GORAB: variants seen among roughly 807,000 people sequenced by gnomAD.
GORAB encodes RAB6-interacting golgin.
Under a neutral mutation model 29.9 loss-of-function variants are expected in GORAB, and 17 were observed. That is an observed-to-expected ratio of 0.57 (90% confidence interval 0.39 to 0.85). The LOEUF (loss-of-function observed/expected upper bound fraction) is 0.85. Among genes scored for constraint, GORAB ranks in the 40% least tolerant of loss-of-function variants. The probability of loss-of-function intolerance (pLI) is 0.00; values close to 1 mark genes in which losing one functional copy is unlikely to be tolerated. For synonymous variants in GORAB, 183 were observed against 157.2 expected, an observed-to-expected ratio of 1.16 and a Z score of -1.23; for missense variants, 442 against 437.8, an observed-to-expected ratio of 1.01 and a Z score of -0.09.
rs776227441 is a variant in GORAB at position 170,552,310 on chromosome 1, T to C, written c.958T>C (p.Leu320=). The change falls in exon 5 of 5, where the codon TTA becomes CTA. Residue 320 remains leucine (L), a synonymous_variant. Transcript: ENST00000367763. ...TCAGCCTGCGGAGGAGAGTGTGACA[T>C]TAGAATTTGCTAAAGAGAACAGAAA... is the stretch of plus-strand genomic sequence containing the variant. ...PFQPAEESVT[L]EFAKENRKCQ... 1.2e-6 allele frequency: 2 copies of C among 1,613,998 alleles called. No individual in the cohort carries two copies. The highest frequency in any genetic ancestry group is 1.7e-6 in the Non-Finnish European group (2 of 1,179,924).
chr1:170,541,203 C>CAAA (rs67384213), intron 2 of GORAB, among the ~76,000 whole-genome samples: 1,188 of 45,948 alleles, frequency 0.026, 79 homozygotes, highest in African/African-American at 0.087. Flanking sequence ...GATTCTGTCC[C>CAAA]AAAAAAAAAA....
intron 4 of GORAB, among the ~76,000 whole-genome samples, chr1:170,546,039 C>CT (rs1475984465): frequency 6.6e-6 from 1 of 152,046 alleles, no homozygotes; most frequent in Non-Finnish European, 1.5e-5. Context: ...ATTTTTATGC[C>CT]TTTGTAGCCT....
rs1011976543 is a variant in GORAB at position 170,532,362 on chromosome 1, G to C, written c.61+78G>C. On this transcript the variant is annotated intron_variant, in intron 1 of 4. Coordinates refer to ENST00000367763, the MANE Select transcript of GORAB (RefSeq NM_152281.3). ...CGGGGATGCAGCTTTGGCGGGGAAA[G>C]GGGGCGTGGAAGCGGCTACGTTTGT... The C allele has an allele frequency of 4.7e-6, 7 of 1,496,542 alleles. No individual in the cohort carries two copies. In the African/African-American group the frequency reaches 9.6e-5, roughly 21 times the overall value. 92.7% of individuals were successfully genotyped at this position (1,496,542 alleles called of 1,614,324 possible).
At chr1:170,534,532 A>G (rs1405992881) in intron 1 of GORAB, among the ~76,000 whole-genome samples, 1 of 152,122 alleles carries the variant, frequency 6.6e-6, no homozygotes, top group East Asian at 1.9e-4. Flanking sequence ...ACAGTCACGC[A>G]CTCAATAACA....
intron 4 of GORAB, chr1:170,545,706 C>G: frequency 1.0e-6 from 1 of 984,928 alleles, no homozygotes; most frequent in Non-Finnish European, 1.2e-6. Flanking sequence ...GGGTAAACCA[C>G]AACATCAGAA....
chr1:170,548,262 TTC>T (rs1339136666), intron 4 of GORAB, among the ~76,000 whole-genome samples: 2 of 152,258 alleles, frequency 1.3e-5, no homozygotes, highest in East Asian at 3.8e-4. Flanking sequence ...TTGCTTTTTC[TTC>T]TCTCTCTAAA....
rs898445340 is a variant in GORAB at position 170,552,390 on chromosome 1, T to C, written c.1038T>C (p.Ser346=). The C allele has an allele frequency of 8.7e-6, 14 of 1,613,962 alleles. No individual in the cohort carries two copies. Among genetic ancestry groups the C allele is most frequent in the Non-Finnish European group, 1.2e-5 (14 of 1,179,962 alleles). ...TAGATGACCAGTGTGGAAATTCCAG[T>C]AGCATCCCCTTTCTTAGTCCAAACT... ...PKVDDQCGNS[S]SIPFLSPNCP... is the part of the protein sequence containing the mutation. The change falls in exon 5 of 5, where the codon AGT becomes AGC. Residue 346 remains serine (S), a synonymous_variant. Coordinates refer to ENST00000367763, the MANE Select transcript of GORAB (RefSeq NM_152281.3).
At chr1:170,533,990 A>T (rs1252799394) in intron 1 of GORAB, among the ~76,000 whole-genome samples, 1 of 152,172 alleles carries the variant, frequency 6.6e-6, no homozygotes, top group African/African-American at 2.4e-5. Flanking sequence ...ATCTTTAAAA[A>T]TTTATTGAAT....
At chr1:170,537,701 T>TA (rs1239132989) in intron 1 of GORAB, among the ~76,000 whole-genome samples, 3 of 152,192 alleles carry the variant, frequency 2.0e-5, no homozygotes, top group South Asian at 2.1e-4. Context: ...ACACTAGACT[T>TA]ACGCTTCTCA....
chr1:170,551,337 T>C (rs140666695), intron 4 of GORAB, among the ~76,000 whole-genome samples: 166 of 152,326 alleles, frequency 1.1e-3, no homozygotes, highest in African/African-American at 3.9e-3. Context: ...TGCATATAGC[T>C]ATCCTGAGGT....
chr1:170,538,483 G>A (rs1314637873), intron 1 of GORAB, among the ~76,000 whole-genome samples: 2 of 152,134 alleles, frequency 1.3e-5, no homozygotes, highest in Non-Finnish European at 2.9e-5. Context: ...AGTCCAAAAA[G>A]TATAATAGAA....
intron 1 of GORAB, among the ~76,000 whole-genome samples, chr1:170,538,090 A>G (rs1394030802): frequency 2.0e-5 from 3 of 152,190 alleles, no homozygotes; most frequent in Non-Finnish European, 4.4e-5. Context: ...TTTTCTGTAC[A>G]TATCTCATTT....
intron 1 of GORAB, among the ~76,000 whole-genome samples, chr1:170,538,517 G>T (rs1649191685): frequency 6.6e-6 from 1 of 152,128 alleles, no homozygotes; most frequent in African/African-American, 2.4e-5. Context: ...TAACTTTAAA[G>T]ATATTTCCCC....
In GORAB at chr1:170,544,481, T is replaced by A. The variant is rs966671066; in HGVS notation, c.522-224T>A. ...ATCTAAAATGAACTATTTGCTGAGTTTTTTTAGACTTATTTGTTACTTTAT... is the reference window on the plus strand; with the variant it reads ...ATCTAAAATGAACTATTTGCTGAGTATTTTTAGACTTATTTGTTACTTTAT... On this transcript the variant is annotated intron_variant, in intron 3 of 4. Coordinates refer to ENST00000367763, the MANE Select transcript of GORAB (RefSeq NM_152281.3). Among the ~76,000 whole-genome samples the A allele has an allele frequency of 4.4e-4, 67 of 152,334 alleles. 1 individual carries two copies. The highest frequency in any genetic ancestry group is 1.3e-3 in the Admixed American group (20 of 15,310).
At chr1:170,534,046 G>A (rs1450955596) in intron 1 of GORAB, among the ~76,000 whole-genome samples, 1 of 152,142 alleles carries the variant, frequency 6.6e-6, no homozygotes, top group South Asian at 2.1e-4. Flanking sequence ...AAGGACAGTA[G>A]TACTCTGGAG....
intron 3 of GORAB, 47 bp downstream of exon 3, chr1:170,542,639 T>A: frequency 8.6e-7 from 1 of 1,164,600 alleles, no homozygotes; most frequent in Non-Finnish European, 1.3e-6. Context: ...TGTAACCAGT[T>A]GTGTCATGTG....
chr1:170,537,119 C>T (rs1649109501), intron 1 of GORAB, among the ~76,000 whole-genome samples: 1 of 151,926 alleles, frequency 6.6e-6, no homozygotes, highest in Non-Finnish European at 1.5e-5. Flanking sequence ...CTTCTTCCCT[C>T]CCTCCCTCTT....
chr1:170,550,081 G>A (rs963463499), intron 4 of GORAB, among the ~76,000 whole-genome samples: 29 of 152,166 alleles, frequency 1.9e-4, no homozygotes, highest in African/African-American at 6.8e-4. Flanking sequence ...TCACTGTGCC[G>A]GAATTTTCAG....
At position 170,533,651 on chromosome 1, in the gene GORAB, G is replaced by C. The variant is rs572608522; in HGVS notation, c.61+1367G>C. On this transcript the variant is annotated intron_variant, in intron 1 of 4. Transcript: ENST00000367763. ...GTGTTAGCAGAGGCGCATTTTCCAG[G>C]GTAAAGATGACTTAATATAAAAATC... 1.4e-5 allele frequency: 6 copies of C among 413,838 alleles called. No individual in the cohort carries two copies. The East Asian group carries it at 4.4e-4, about 30-fold the overall frequency. The allele number at this position is 413,838 out of a possible 1,614,324, so 25.6% of individuals were successfully genotyped here. A position where few individuals can be genotyped will look rare whatever the true frequency, so the allele number is the denominator to read the frequency against.
Sources: gnomAD v4.1 joint callset for allele counts (sites outside exome capture counted in the v4.1 genomes callset) on GRCh38, gnomAD v4.1.1 for gene constraint, MANE v1.5 for transcripts, NCBI Gene and HGNC (gene_info 2026-07-23, HGNC 2026-07-21) for gene names.